The following MSH3 variants were observed in gnomAD, a reference collection of about 807,000 sequenced individuals.
MSH3 encodes DNA mismatch repair protein Msh3.
A neutral mutation model predicts 123.3 loss-of-function variants in MSH3; 106 were observed. The ratio of observed to expected loss-of-function variants is 0.86; its 90% confidence interval spans 0.73 to 1.01. MSH3 has a LOEUF of 1.01. Ranked by LOEUF, MSH3 falls within the 50% of genes least tolerant of loss-of-function variation. MSH3 has a pLI of 0.00. For missense variants in MSH3, 1,459 were observed against 1,347.6 expected, an observed-to-expected ratio of 1.08 and a Z score of -1.29; for synonymous variants, 515 against 481.4, an observed-to-expected ratio of 1.07 and a Z score of -0.91.
chr5:80,813,514 A>T lies in MSH3; in HGVS notation c.2656-70A>T, dbSNP rs1056202214. 2.0e-6 allele frequency: 3 copies of T among 1,484,222 alleles called. No individual in the cohort carries two copies. In the African/African-American group the frequency reaches 4.2e-5, roughly 21 times the overall value. 91.9% of individuals were successfully genotyped at this position (1,484,222 alleles called of 1,614,324 possible). A position where few individuals can be genotyped will look rare whatever the true frequency, so the allele number is the denominator to read the frequency against. On this transcript the variant is annotated intron_variant, in intron 19 of 23. Coordinates refer to ENST00000265081, the MANE Select transcript of MSH3 (RefSeq NM_002439.5). Reference sequence around the variant, plus strand: ...TGTTTTGCCTAATGCATTTCCACTTATGAGATAAATTGTGGATATTATCAA... The same window carrying T: ...TGTTTTGCCTAATGCATTTCCACTTTTGAGATAAATTGTGGATATTATCAA...
chr5:80,790,427 AT>A (rs1180866867), intron 18 of MSH3, among the ~76,000 whole-genome samples: 1 of 152,024 alleles, frequency 6.6e-6, no homozygotes, highest in Non-Finnish European at 1.5e-5. Flanking sequence ...GGTTTATTGG[AT>A]TGTTTTATAA....
intron 21 of MSH3, among the ~76,000 whole-genome samples, chr5:80,854,749 G>C (rs1478125919): frequency 1.3e-5 from 2 of 152,086 alleles, no homozygotes; most frequent in Non-Finnish European, 2.9e-5. Context: ...AATGTTTGTA[G>C]TTTTTTGATA....
intron 20 of MSH3, among the ~76,000 whole-genome samples, chr5:80,849,131 A>C (rs1026936195): frequency 6.6e-6 from 1 of 152,142 alleles, no homozygotes; most frequent in Non-Finnish European, 1.5e-5. Flanking sequence ...TAAAGCTCCA[A>C]AATGGTATCT....
intron 20 of MSH3, among the ~76,000 whole-genome samples, chr5:80,831,223 G>A (rs1745411668): frequency 6.6e-6 from 1 of 152,182 alleles, no homozygotes; most frequent in South Asian, 2.1e-4. Flanking sequence ...TTAACAGAAT[G>A]ATACGATATA....
intron 22 of MSH3, among the ~76,000 whole-genome samples, chr5:80,872,706 G>C (rs766850343): frequency 3.5e-4 from 54 of 152,200 alleles, no homozygotes; most frequent in Non-Finnish European, 6.9e-4. Flanking sequence ...TACTTAGGAG[G>C]CTAGGCAGGA....
chr5:80,773,183 C>T (rs1194040703), intron 15 of MSH3, among the ~76,000 whole-genome samples: 1 of 152,218 alleles, frequency 6.6e-6, no homozygotes, highest in Non-Finnish European at 1.5e-5. Flanking sequence ...GTGATCCAAT[C>T]AGTCTGTTCC....
Position 80,778,799 on chromosome 5 carries a change from G to A in MSH3, c.2398G>A (p.Val800Ile). The A allele has an allele frequency of 1.9e-6, 3 of 1,608,114 alleles. No individual in the cohort carries two copies. The East Asian group carries it at 6.7e-5, about 36-fold the overall frequency. ...RHLNQLREQL[V>I]LDCSAEWLDF... ...TCTGAATCAGCTCCGGGAGCAGCTA[G>A]TCCTTGACTGCAGTGCTGAATGGCT... is the stretch of plus-strand genomic sequence containing the variant. The change falls in exon 17 of 24, where the codon GTC becomes ATC. Residue 800 changes from valine to isoleucine, a missense_variant. Val to Ile is a conservative substitution (Grantham distance 29). Coordinates refer to ENST00000265081, the MANE Select transcript of MSH3 (RefSeq NM_002439.5).
chr5:80,795,276 A>T (rs1744677037), intron 19 of MSH3, among the ~76,000 whole-genome samples: 1 of 152,122 alleles, frequency 6.6e-6, no homozygotes, highest in Admixed American at 6.6e-5. Context: ...TCATAACAAG[A>T]CTTGTTGGTA....
intron 4 of MSH3, among the ~76,000 whole-genome samples, chr5:80,671,350 TG>T (rs1749720370): frequency 6.6e-6 from 1 of 152,162 alleles, no homozygotes; most frequent in African/African-American, 2.4e-5. Flanking sequence ...GCTTCTTGGA[TG>T]GGAAGTAAAG....
intron 8 of MSH3, among the ~76,000 whole-genome samples, chr5:80,718,651 T>G (rs75829363): frequency 0.023 from 3,442 of 150,390 alleles, 63 homozygotes; most frequent in Admixed American, 0.031. Context: ...AAATTCAGGT[T>G]TTTTTTTTTT....
At chr5:80,715,942 C>T (rs1750951204) in intron 8 of MSH3, among the ~76,000 whole-genome samples, 1 of 152,064 alleles carries the variant, frequency 6.6e-6, no homozygotes, top group Admixed American at 6.5e-5. Context: ...TATGGAAGCA[C>T]TTTTCCTGAT....
At position 80,705,258 on chromosome 5, in the gene MSH3, T is replaced by G. The variant is rs148371093; in HGVS notation, c.1341-20195T>G. Among the ~76,000 whole-genome samples, 97 of 152,344 alleles carry G rather than the reference T, an allele frequency of 6.4e-4. No homozygotes were observed. In the East Asian group the frequency reaches 0.018, roughly 28 times the overall value. On this transcript the variant is annotated intron_variant, in intron 8 of 23. Transcript: ENST00000265081. The stretch of plus-strand genomic sequence containing the variant: ...TTGCTTTCATGAAGCTGCCCTACAA[T>G]TTCCAGTTGAGGTTCTAATCTTAGC...
intron 20 of MSH3, among the ~76,000 whole-genome samples, chr5:80,819,462 GTGTGTA>G (rs1328196916): frequency 3.7e-4 from 54 of 146,836 alleles, no homozygotes; most frequent in South Asian, 1.5e-3. Flanking sequence ...GTGTGTGTGT[GTGTGTA>G]TATATATATA....
intron 2 of MSH3, among the ~76,000 whole-genome samples, chr5:80,662,689 T>C (rs990872950): frequency 2.0e-5 from 3 of 151,962 alleles, no homozygotes; most frequent in African/African-American, 7.3e-5. Context: ...TAGCCAGATA[T>C]GGTGGCACAC....
chr5:80,797,369 A>C (rs947305949), intron 19 of MSH3, among the ~76,000 whole-genome samples: 3 of 152,214 alleles, frequency 2.0e-5, no homozygotes, highest in Non-Finnish European at 4.4e-5. Context: ...CTGGCACCTA[A>C]TCAGATTTAA....
intron 9 of MSH3, among the ~76,000 whole-genome samples, chr5:80,726,410 G>A (rs1166131147): frequency 6.6e-6 from 1 of 152,162 alleles, no homozygotes; most frequent in Non-Finnish European, 1.5e-5. Flanking sequence ...TGTCTTGTTA[G>A]CATGTCTCTT....
intron 23 of MSH3, among the ~76,000 whole-genome samples, chr5:80,875,376 T>G (rs1241598033): frequency 6.6e-6 from 1 of 152,216 alleles, no homozygotes; most frequent in Non-Finnish European, 1.5e-5. Context: ...GCTTCATTGT[T>G]TTCGGTTGGT....
intron 12 of MSH3, among the ~76,000 whole-genome samples, chr5:80,756,150 T>G (rs1451626065): frequency 6.6e-6 from 1 of 152,062 alleles, no homozygotes; most frequent in African/African-American, 2.4e-5. Context: ...AAAGAACTCA[T>G]TCATGTAACC....
intron 20 of MSH3, among the ~76,000 whole-genome samples, chr5:80,844,894 A>C (rs1375827166): frequency 6.6e-6 from 1 of 152,120 alleles, no homozygotes; most frequent in East Asian, 1.9e-4. Flanking sequence ...CATTTAGCCC[A>C]TTTACATTTA....
Sources: allele counts gnomAD v4.1 joint callset (sites outside exome capture counted in the v4.1 genomes callset), GRCh38; gene constraint gnomAD v4.1.1; transcripts MANE v1.5; gene names NCBI Gene and HGNC (gene_info 2026-07-23, HGNC 2026-07-21).